The following ERICH1 variants were observed in gnomAD, a reference collection of about 807,000 sequenced individuals.
ERICH1 encodes glutamate-rich protein 1.
In ERICH1, 56 loss-of-function variants were observed where a neutral mutation model predicts 39.6. The observed-to-expected ratio is 1.41, with a 90% confidence interval of 1.14 to 1.77. ERICH1 has a LOEUF of 1.77. Among genes scored for constraint, ERICH1 ranks in the 40% most tolerant of loss-of-function variants. The probability of loss-of-function intolerance (pLI) is 0.00; values close to 1 mark genes in which losing one functional copy is unlikely to be tolerated. For missense variants in ERICH1, 826 were observed against 575.4 expected (o/e 1.44, Z -4.45); for synonymous variants, 313 against 223.6 (o/e 1.40, Z -3.57).
At chr8:690,241 A>G (rs1050415007) in intron 3 of ERICH1, among the ~76,000 whole-genome samples, 1 of 152,190 alleles carries the variant, frequency 6.6e-6, no homozygotes, top group African/African-American at 2.4e-5. Flanking sequence ...TGAGCCCAAA[A>G]GCACCCACAG....
intron 1 of ERICH1, among the ~76,000 whole-genome samples, chr8:723,441 C>A (rs963206886): frequency 1.3e-5 from 2 of 152,192 alleles, no homozygotes; most frequent in Admixed American, 1.3e-4. Flanking sequence ...AAGAAATAAT[C>A]ATTAGTAGAA....
intron 3 of ERICH1, among the ~76,000 whole-genome samples, chr8:641,656 G>A (rs1798991312): frequency 6.6e-6 from 1 of 152,218 alleles, no homozygotes; most frequent in Admixed American, 6.5e-5. Flanking sequence ...GATCTAATCA[G>A]TGGAGAACGC....
chr8:692,074 C>G (rs916672332), intron 3 of ERICH1, among the ~76,000 whole-genome samples: 1 of 152,120 alleles, frequency 6.6e-6, no homozygotes, highest in Non-Finnish European at 1.5e-5. Context: ...TCCTTGATTA[C>G]AGATTTGATG....
In ERICH1 at chr8:634,344, G is replaced by A. The variant is rs568608822; in HGVS notation, c.977-19060C>T. ...CAAAACACAAAGGCAACGAGCGAGCGTCGTGGAGCGCTTGGAACCCTCGTG... is the reference window on the plus strand; with the variant it reads ...CAAAACACAAAGGCAACGAGCGAGCATCGTGGAGCGCTTGGAACCCTCGTG... On this transcript the variant is annotated intron_variant, in intron 3 of 3. Coordinates refer to the ERICH1 transcript ENST00000522706. Among the ~76,000 whole-genome samples the A allele has an allele frequency of 1.3e-3, 194 of 152,320 alleles. 1 individual carries two copies. Among genetic ancestry groups the A allele is most frequent in the Middle Eastern group, 0.01 (3 of 294 alleles).
At position 636,849 on chromosome 8, in the gene ERICH1, C is replaced by T. The variant is rs575766740; in HGVS notation, c.977-21565G>A. On this transcript the variant is annotated intron_variant, in intron 3 of 3. Coordinates refer to the ERICH1 transcript ENST00000522706. ...CCAGAATCCTCCATGACTTCCAGGC[C>T]ACGTGTTGGGAGTCACCTTCTGAGC... Among the ~76,000 whole-genome samples, 8 of 152,338 alleles carry T rather than the reference C, an allele frequency of 5.3e-5. No individual in the cohort carries two copies. The South Asian group carries it at 1.7e-3, about 32-fold the overall frequency.
Position 664,494 on chromosome 8 carries a change from T to C in ERICH1, c.*109A>G. On this transcript the variant is annotated 3_prime_UTR_variant, in exon 6 of 6. Coordinates refer to ENST00000262109, the MANE Select transcript of ERICH1 (RefSeq NM_207332.3). ...GGAACAAACACGTGAATAAATAATA[T>C]GGCATAAATGTCTTTCAAGTTCCCA... 2.9e-6 allele frequency: 4 copies of C among 1,366,564 alleles called. No individual in the cohort carries two copies. The highest frequency in any genetic ancestry group is 3.8e-6 in the Non-Finnish European group (4 of 1,054,478). The allele number at this position is 1,366,564 out of a possible 1,614,324, so 84.7% of individuals were successfully genotyped here. A position where few individuals can be genotyped will look rare whatever the true frequency, so the allele number is the denominator to read the frequency against.
intron 3 of ERICH1, among the ~76,000 whole-genome samples, chr8:679,950 A>G (rs1805757375): frequency 7.5e-5 from 1 of 13,336 alleles, no homozygotes; most frequent in African/African-American, 3.3e-4. Context: ...GTCCAAGAGA[A>G]TCCATAGCTG....
chr8:641,616 G>T (rs532354075), intron 3 of ERICH1, among the ~76,000 whole-genome samples: 1 of 152,208 alleles, frequency 6.6e-6, no homozygotes, highest in Non-Finnish European at 1.5e-5. Context: ...TTGATTAATT[G>T]TACTGGGAGG....
In ERICH1 at chr8:668,754, C is replaced by A. The variant is rs957279271; in HGVS notation, c.1102G>T (p.Ala368Ser). 1.2e-6 allele frequency: 2 copies of A among 1,612,696 alleles called. No individual in the cohort carries two copies. Among genetic ancestry groups the A allele is most frequent in the South Asian group, 1.1e-5 (1 of 90,996 alleles). Residue 368 changes from alanine (A) to serine (S), a missense_variant, in exon 5 of 6, where the codon GCC becomes TCC. Physicochemically the swap from Ala to Ser is moderately conservative, Grantham distance 99. Transcript: ENST00000262109. ...RDAASAALAD[A>S]AEELLDRLAS... ...AGGCGGTCCAGCAGCTCCTCAGCGGCATCTGCGAGGGCAGCTGAAGCTGCA... is the reference window on the plus strand; with the variant it reads ...AGGCGGTCCAGCAGCTCCTCAGCGGAATCTGCGAGGGCAGCTGAAGCTGCA...
intron 2 of ERICH1, among the ~76,000 whole-genome samples, chr8:696,889 T>G (rs1338510091): frequency 7.6e-6 from 1 of 131,584 alleles, no homozygotes; most frequent in Non-Finnish European, 1.6e-5. Context: ...TGCGCGCTCC[T>G]CACACCCTCC....
chr8:627,581 T>C (rs1476085531), intron 3 of ERICH1, among the ~76,000 whole-genome samples: 1 of 152,240 alleles, frequency 6.6e-6, no homozygotes, highest in Non-Finnish European at 1.5e-5. Context: ...GGTAAGAAGA[T>C]GGCTCTCCAG....
chr8:635,395 C>T (rs561221747), intron 3 of ERICH1, among the ~76,000 whole-genome samples: 2 of 152,294 alleles, frequency 1.3e-5, no homozygotes, highest in Admixed American at 1.3e-4. Context: ...CCAAAGTCCC[C>T]GCAGGGCTCA....
intron 2 of ERICH1, among the ~76,000 whole-genome samples, chr8:698,039 G>A (rs1448826284): frequency 6.6e-6 from 1 of 152,256 alleles, no homozygotes; most frequent in Non-Finnish European, 1.5e-5. Flanking sequence ...TGGAGCCCTC[G>A]GACCCGGGGG....
chr8:640,386 A>G (rs922230419), intron 3 of ERICH1, among the ~76,000 whole-genome samples: 1 of 152,146 alleles, frequency 6.6e-6, no homozygotes, highest in Non-Finnish European at 1.5e-5. Context: ...ACCCAGAAAA[A>G]TTGCCAAAGT....
intron 2 of ERICH1, among the ~76,000 whole-genome samples, chr8:710,740 G>C (rs887394335): frequency 6.6e-6 from 1 of 152,184 alleles, no homozygotes; most frequent in Non-Finnish European, 1.5e-5. Context: ...ATTTTCCGTT[G>C]TCTGGATGTA....
At chr8:716,136 T>C in intron 1 of ERICH1, 129 bp from the exon 2 acceptor site, 1 of 1,169,078 alleles carries the variant, frequency 8.6e-7, no homozygotes, top group Non-Finnish European at 1.2e-6. Flanking sequence ...CCCAAGTCCC[T>C]GGTCCTCCCA....
chr8:727,619 G>T (rs905097683), intron 1 of ERICH1, among the ~76,000 whole-genome samples: 1 of 152,186 alleles, frequency 6.6e-6, no homozygotes, highest in African/African-American at 2.4e-5. Context: ...TTATTAAAAA[G>T]CATCCAAGCA....
chr8:666,776 G>T (rs1471374935), intron 5 of ERICH1: 1 of 152,474 alleles, frequency 6.6e-6, no homozygotes, highest in African/African-American at 2.4e-5. Context: ...CTTTCTGGGA[G>T]CCCCTCCTCC....
At position 633,495 on chromosome 8, in the gene ERICH1, T is replaced by G. The variant is rs185497496; in HGVS notation, c.977-18211A>C. Among the ~76,000 whole-genome samples the G allele has an allele frequency of 2.0e-5, 3 of 152,326 alleles. No individual in the cohort carries two copies. In the East Asian group the frequency reaches 5.8e-4, roughly 29 times the overall value. ...AAGCCCTCAAAACAATATATCTTCC[T>G]GGGAGAATCTCAAGGATATTTCTCA... On this transcript the variant is annotated intron_variant, in intron 3 of 3. Transcript: ENST00000522706.
Sources: allele counts gnomAD v4.1 joint callset (sites outside exome capture counted in the v4.1 genomes callset), GRCh38; gene constraint gnomAD v4.1.1; transcripts MANE v1.5; gene names NCBI Gene and HGNC (gene_info 2026-07-23, HGNC 2026-07-21).